Variants in COL27A1 observed in about 807,000 individuals in gnomAD.
COL27A1 encodes collagen alpha-1(XXVII) chain.
COL27A1 carries 106 observed loss-of-function variants against 251.3 expected under a neutral mutation model. That is an observed-to-expected ratio of 0.42 (90% confidence interval 0.36 to 0.50). The LOEUF (loss-of-function observed/expected upper bound fraction) is 0.50. Among genes scored for constraint, COL27A1 ranks in the 20% least tolerant of loss-of-function variants. COL27A1 has a pLI of 0.00. For missense variants in COL27A1, 2,325 were observed against 2,522.8 expected (o/e 0.92, Z 1.68); for synonymous variants, 1,000 against 986.3 (o/e 1.01, Z -0.26).
intron 3 of COL27A1, among the ~76,000 whole-genome samples, chr9:114,173,314 G>C (rs989858975): frequency 6.6e-6 from 1 of 152,242 alleles, no homozygotes; most frequent in Non-Finnish European, 1.5e-5. Flanking sequence ...GCCGCTAAGG[G>C]CCTGGCCCAC....
At chr9:114,261,054 G>C (rs1342260394) in intron 28 of COL27A1, among the ~76,000 whole-genome samples, 2 of 152,202 alleles carry the variant, frequency 1.3e-5, no homozygotes, top group African/African-American at 2.4e-5. Context: ...TCCGTAAAAC[G>C]GGTTGGCAAC....
chr9:114,298,778 A>T (rs948151681), intron 49 of COL27A1, among the ~76,000 whole-genome samples: 2 of 152,258 alleles, frequency 1.3e-5, no homozygotes, highest in Non-Finnish European at 2.9e-5. Context: ...CGAAGTACAT[A>T]GATTGGACTT....
At chr9:114,296,334 A>T (rs1249728) in intron 49 of COL27A1, among the ~76,000 whole-genome samples, 62,374 of 152,064 alleles carry the variant, frequency 0.41, 12,934 homozygotes, top group Admixed American at 0.46. Flanking sequence ...CCGGAACCTA[A>T]AAAGAACTCG....
At chr9:114,156,768 G>A (rs1004876560) in intron 1 of COL27A1, among the ~76,000 whole-genome samples, 3 of 152,124 alleles carry the variant, frequency 2.0e-5, no homozygotes, top group African/African-American at 7.2e-5. Flanking sequence ...GGGCCCAGAG[G>A]CTGGGATTCC....
At chr9:114,195,226 G>A (rs1032051106) in intron 6 of COL27A1, among the ~76,000 whole-genome samples, 8 of 152,212 alleles carry the variant, frequency 5.3e-5, no homozygotes, top group African/African-American at 1.9e-4. Flanking sequence ...AAGGCACCTA[G>A]AATTGGCTGC....
At chr9:114,191,649 C>G (rs897240249) in intron 5 of COL27A1, among the ~76,000 whole-genome samples, 3 of 152,208 alleles carry the variant, frequency 2.0e-5, no homozygotes, top group African/African-American at 4.8e-5. Flanking sequence ...ACCACATTTT[C>G]TTTATCCAGT....
chr9:114,168,325 CT>C lies in COL27A1; in HGVS notation c.774del (p.Phe258LeufsTer10). ...CTCTTCTCCCAAGACTCTGGCAGAC[CT>C]TTTACCTTCCAGTCCGACCTCGCCC... Reference protein sequence around the residue: ...GPLFSQDSGRPFTFQSDLALL... With the variant: ...GPLFSQDSGRXFTFQSDLALL... On this transcript the variant is annotated frameshift_variant, in exon 3 of 61. Transcript: ENST00000356083. LOFTEE classifies it high-confidence loss of function. 1.2e-6 allele frequency: 2 copies of C among 1,613,308 alleles called. No individual in the cohort carries two copies.
At chr9:114,211,602 G>A (rs1054957427) in intron 12 of COL27A1, among the ~76,000 whole-genome samples, 6 of 152,224 alleles carry the variant, frequency 3.9e-5, no homozygotes, top group Non-Finnish European at 7.3e-5. Context: ...TTGGACATGT[G>A]CAGAACATGG....
intron 37 of COL27A1, among the ~76,000 whole-genome samples, chr9:114,281,456 C>T (rs2135698171): frequency 6.6e-6 from 1 of 152,348 alleles, no homozygotes; most frequent in Non-Finnish European, 1.5e-5. Context: ...TTGGGAAGCC[C>T]TGTGGGGCAG....
intron 7 of COL27A1, among the ~76,000 whole-genome samples, chr9:114,204,563 G>T (rs746770944): frequency 2.6e-5 from 4 of 152,296 alleles, no homozygotes; most frequent in East Asian, 3.9e-4. Context: ...AGGAGCTGGG[G>T]CCGGTGGGAG....
rs770970377 is a variant in COL27A1 at position 114,169,298 on chromosome 9, G to T, written c.1743G>T (p.Gln581His). ...CCAGGCCTAGCCCCAGACAGCCCCA[G>T]CCCAGTCAGCAGACCACCCCGGCCC... ...LTTRPSPRQP[Q>H]PSQQTTPALV... The change falls in exon 3 of 61, where the codon CAG (glutamine) becomes CAT (histidine). Residue 581 changes from glutamine to histidine, a missense_variant. This residue lies in a region of COL27A1 where 1,183 missense variants were observed against 1,144.1 expected (regional missense o/e 1.03). Transcript: ENST00000356083. 6.2e-7 allele frequency: 1 copy of T among 1,612,678 alleles called. No individual in the cohort carries two copies. Among genetic ancestry groups the T allele is most frequent in the South Asian group, 1.1e-5 (1 of 90,990 alleles).
intron 56 of COL27A1, among the ~76,000 whole-genome samples, chr9:114,303,236 TC>T (rs200324833): frequency 0.024 from 3,377 of 142,650 alleles, 69 homozygotes; most frequent in Non-Finnish European, 0.033. Context: ...TCTTTTTTTT[TC>T]TTTTCTTTTT....
chr9:114,270,843 A>G, intron 36 of COL27A1, 62 bp downstream of exon 36: 1 of 1,243,460 alleles, frequency 8.0e-7, no homozygotes, highest in Non-Finnish European at 1.2e-6. Context: ...CCCATCCAAG[A>G]CCTAAGTCTC....
At chr9:114,262,792 G>A (rs533620640) in intron 28 of COL27A1, among the ~76,000 whole-genome samples, 6 of 152,346 alleles carry the variant, frequency 3.9e-5, no homozygotes, top group African/African-American at 1.4e-4. Context: ...GGCCTTGCCC[G>A]GTGGCTCCCT....
rs1184920615 is a variant in COL27A1 at position 114,168,720 on chromosome 9, C to A, written c.1165C>A (p.Gln389Lys). ...IVPIKSPHPT[Q>K]KTAPSSFTKS... ...GCCCATCAAAAGCCCCCATCCTACCCAGAAAACAGCTCCATCTTCATTTAC... is the reference window on the plus strand; with the variant it reads ...GCCCATCAAAAGCCCCCATCCTACCAAGAAAACAGCTCCATCTTCATTTAC... Residue 389 changes from glutamine (Q) to lysine (K), a missense_variant, in exon 3 of 61, where the codon CAG (glutamine) becomes AAG (lysine). Gln to Lys is a moderately conservative substitution (Grantham distance 53, BLOSUM62 1). Transcript: ENST00000356083. 1.9e-6 allele frequency: 3 copies of A among 1,613,938 alleles called. No homozygotes were observed. The African/African-American group carries it at 4.0e-5, about 22-fold the overall frequency.
chr9:114,245,797 G>T, intron 23 of COL27A1, 69 bp from the exon 24 acceptor site: 1 of 1,474,672 alleles, frequency 6.8e-7, no homozygotes, highest in Non-Finnish European at 9.5e-7. Flanking sequence ...CAGCAGGCCT[G>T]GGACTTCCCC....
chr9:114,297,713 A>G (rs1828350160), intron 49 of COL27A1, among the ~76,000 whole-genome samples: 1 of 152,192 alleles, frequency 6.6e-6, no homozygotes, highest in African/African-American at 2.4e-5. Context: ...TCCCACAGGT[A>G]TCATCATATT....
Position 114,240,261 on chromosome 9 carries a change from A to G in COL27A1, c.2769A>G (p.Pro923=), listed in dbSNP as rs766658136. Residue 923 remains proline (P), a synonymous_variant, in exon 20 of 61, where the codon CCA becomes CCG. Coordinates refer to ENST00000356083, the MANE Select transcript of COL27A1 (RefSeq NM_032888.4). Reference sequence around the variant, plus strand: ...TCGGCCCCCCTGGCGACAATGGCCCAGAAGGCATGAAGGTGAGTACCTGCC... The same window carrying G: ...TCGGCCCCCCTGGCGACAATGGCCCGGAAGGCATGAAGGTGAGTACCTGCC... ...GDIGPPGDNG[P]EGMKGKPGAR... 6.2e-7 allele frequency: 1 copy of G among 1,602,680 alleles called. No individual in the cohort carries two copies. Among genetic ancestry groups the G allele is most frequent in the Non-Finnish European group, 8.5e-7 (1 of 1,174,226 alleles).
intron 14 of COL27A1, among the ~76,000 whole-genome samples, chr9:114,223,764 C>T (rs1212701718): frequency 1.3e-5 from 2 of 152,142 alleles, no homozygotes; most frequent in Non-Finnish European, 2.9e-5. Flanking sequence ...TCGGTTTCTT[C>T]ATCTGTAAAA....
Sources: allele counts gnomAD v4.1 joint callset (sites outside exome capture counted in the v4.1 genomes callset), GRCh38; gene constraint gnomAD v4.1.1; regional missense constraint gnomAD v4.1.1; transcripts MANE v1.5; gene names NCBI Gene and HGNC (gene_info 2026-07-23, HGNC 2026-07-21).